The following EEA1 variants were observed in gnomAD, a reference collection of about 807,000 sequenced individuals.
EEA1 encodes early endosome antigen 1, also known as early endosome antigen 1, 162kD.
Under a neutral mutation model 209.2 loss-of-function variants are expected in EEA1, and 111 were observed. The observed-to-expected ratio is 0.53, with a 90% CI of 0.45 to 0.62. The LOEUF is 0.62. EEA1 is among the 20% of genes least tolerant of loss of function. The probability of loss-of-function intolerance (pLI) is 0.00; values close to 1 mark genes in which losing one functional copy is unlikely to be tolerated. For synonymous variants in EEA1, 536 were observed against 540.6 expected (o/e 0.99, Z 0.12); for missense variants, 1,343 against 1,530.8 (o/e 0.88, Z 2.05).
At chr12:92,894,171 T>C (rs1879772021) in intron 1 of EEA1, among the ~76,000 whole-genome samples, 1 of 152,200 alleles carries the variant, frequency 6.6e-6, no homozygotes, top group African/African-American at 2.4e-5. Flanking sequence ...CCCATACCCA[T>C]ATAAGATGGC....
At position 92,819,499 on chromosome 12, in the gene EEA1, G is replaced by C. The variant is rs912702688; in HGVS notation, c.1537C>G (p.Gln513Glu). 3.1e-6 allele frequency: 5 copies of C among 1,595,950 alleles called. No individual in the cohort carries two copies. The highest frequency in any genetic ancestry group is 4.3e-6 in the Non-Finnish European group (5 of 1,172,868). The change falls in exon 14 of 29, where the codon CAA becomes GAA. Residue 513 changes from glutamine to glutamate, a missense_variant. By Grantham distance (29) the Gln-to-Glu change is conservative. Transcript: ENST00000322349. ...KLREAQNDLE[Q>E]VLRQIGDKDQ... Reference sequence around the variant, plus strand: ...TTATCGCCAATTTGACGTAGAACTTGTTCCAAATCATTCTGTAAAGAATTG... The same window carrying C: ...TTATCGCCAATTTGACGTAGAACTTCTTCCAAATCATTCTGTAAAGAATTG...
In EEA1 at chr12:92,914,538, C is replaced by T. The variant is rs369764030; in HGVS notation, c.24+14505G>A. Among the ~76,000 whole-genome samples the T allele has an allele frequency of 2.0e-5, 3 of 152,046 alleles. No individual in the cohort carries two copies. In the South Asian group the frequency reaches 6.2e-4, roughly 32 times the overall value. On this transcript the variant is annotated intron_variant, in intron 1 of 28. Transcript: ENST00000322349. ...AATGTTGGTAATCTGACAGAAATTG[C>T]ATTGAGGCTGGGTACACTGGCTCAC...
rs751045550 is a variant in EEA1, at chr12:92,811,429, T to C, written c.2049A>G (p.Leu683=). Residue 683 remains leucine, a synonymous_variant, in exon 17 of 29, where the codon TTA becomes TTG. Coordinates refer to ENST00000322349, the MANE Select transcript of EEA1 (RefSeq NM_003566.4). ...GATCCAACTGAGTAGTAATCTTATT[T>C]AACTCCTTTAGAAAAGTACAATTGA... ...QNALQDKQQE[L]NKITTQLDQV... 9.0e-6 allele frequency: 14 copies of C among 1,556,646 alleles called. No homozygotes were observed. The Admixed American group carries it at 1.4e-4, about 15-fold the overall frequency.
At chr12:92,858,187 A>G in intron 3 of EEA1, 1 of 681,280 alleles carries the variant, frequency 1.5e-6, no homozygotes, top group South Asian at 1.5e-5. Context: ...ATCTGTGACC[A>G]GATCAGTGAG....
At chr12:92,913,685 G>A (rs1011514011) in intron 1 of EEA1, among the ~76,000 whole-genome samples, 2 of 152,126 alleles carry the variant, frequency 1.3e-5, no homozygotes, top group African/African-American at 4.8e-5. Context: ...TTTTGAGGCA[G>A]AGTCTTGCTC....
intron 13 of EEA1, among the ~76,000 whole-genome samples, chr12:92,820,253 C>A (rs1875981367): frequency 6.6e-6 from 1 of 152,098 alleles, no homozygotes; most frequent in African/African-American, 2.4e-5. Flanking sequence ...CACTTCAATA[C>A]CCCAAAAGAA....
Position 92,777,951 on chromosome 12 carries a change from G to T in EEA1, c.3883C>A (p.Leu1295Ile). The change falls in exon 26 of 29, where the codon CTA (leucine) becomes ATA (isoleucine). Residue 1295 changes from leucine (L) to isoleucine (I), a missense_variant. Leu to Ile is a conservative substitution (Grantham distance 5, BLOSUM62 2). Transcript: ENST00000322349. ...CTAGATATCAATCACCTTTCCAGTA[G>T]TGCTCTCCTTTCATCTTGATTATTC... is the stretch of plus-strand genomic sequence containing the variant. ...VQNNQDERRA[L>I]LERCLKGEGE... 1.9e-6 allele frequency: 3 copies of T among 1,611,910 alleles called. No homozygotes were observed. The highest frequency in any genetic ancestry group is 2.5e-6 in the Non-Finnish European group (3 of 1,178,484).
chr12:92,863,839 A>G (rs1172363331), intron 3 of EEA1, among the ~76,000 whole-genome samples: 1 of 152,252 alleles, frequency 6.6e-6, no homozygotes, highest in African/African-American at 2.4e-5. Flanking sequence ...GAACAAGGGT[A>G]GACCGTGGAT....
At chr12:92,882,411 T>C (rs1879187979) in intron 2 of EEA1, among the ~76,000 whole-genome samples, 1 of 151,944 alleles carries the variant, frequency 6.6e-6, no homozygotes, top group African/African-American at 2.4e-5. Context: ...CTGGCATCTT[T>C]TTTTTTTTTT....
At chr12:92,822,868 C>T (rs1444583839) in intron 13 of EEA1, among the ~76,000 whole-genome samples, 1 of 152,068 alleles carries the variant, frequency 6.6e-6, no homozygotes, top group Admixed American at 6.6e-5. Flanking sequence ...ACTGAACACA[C>T]CACATTCCCC....
In EEA1 at chr12:92,852,316, TA is replaced by T; in HGVS notation, c.521-21del. 2 of 1,503,882 alleles carry T rather than the reference TA, an allele frequency of 1.3e-6. No individual in the cohort carries two copies. Among genetic ancestry groups the T allele is most frequent in the African/African-American group, 2.9e-5 (2 of 69,628 alleles). 93.2% of individuals were successfully genotyped at this position (1,503,882 alleles called of 1,614,324 possible). A position where few individuals can be genotyped will look rare whatever the true frequency, so the allele number is the denominator to read the frequency against. On this transcript the variant is annotated intron_variant, in intron 7 of 28. Transcript: ENST00000322349. ...TTATATCTAATTAAAGATAGTTATA[TA>T]AATATTAGTTTAAGGGGAGGACAGT...
At chr12:92,898,506 A>C (rs1879991754) in intron 1 of EEA1, among the ~76,000 whole-genome samples, 1 of 152,002 alleles carries the variant, frequency 6.6e-6, no homozygotes. Context: ...TCTACTAAAA[A>C]TACAAAAATT....
intron 9 of EEA1, 77 bp from the exon 10 acceptor site, chr12:92,842,658 G>A (rs922896096): frequency 1.1e-5 from 10 of 911,346 alleles, no homozygotes; most frequent in East Asian, 5.8e-5. Context: ...GTATATAAAG[G>A]TTTTAAGAAA....
intron 11 of EEA1, 61 bp downstream of exon 11, chr12:92,832,451 T>C (rs1876695827): frequency 1.7e-5 from 24 of 1,447,488 alleles, no homozygotes; most frequent in Non-Finnish European, 2.2e-5. Flanking sequence ...CAAATAACCA[T>C]CAAGTACACG....
intron 11 of EEA1, among the ~76,000 whole-genome samples, chr12:92,828,696 C>A (rs886268038): frequency 7.3e-5 from 11 of 151,316 alleles, no homozygotes; most frequent in African/African-American, 2.7e-4. Context: ...GAGTTAAGAA[C>A]CATCACGAGT....
chr12:92,859,308 C>A (rs1191891913), intron 3 of EEA1: 2 of 1,419,132 alleles, frequency 1.4e-6, no homozygotes, highest in Non-Finnish European at 2.0e-6. Context: ...TACTTGTTGG[C>A]AAAGGCAACA....
chr12:92,860,451 T>G (rs150373881), intron 3 of EEA1, among the ~76,000 whole-genome samples: 13 of 152,312 alleles, frequency 8.5e-5, no homozygotes, highest in African/African-American at 3.1e-4. Flanking sequence ...CCCTTCATAC[T>G]TGAACATTTT....
intron 14 of EEA1, 137 bp downstream of exon 14, chr12:92,819,171 G>T: frequency 2.9e-6 from 2 of 685,576 alleles, no homozygotes; most frequent in Non-Finnish European, 2.3e-6. Flanking sequence ...TACATGAGAT[G>T]CTATTTGGCA....
At position 92,816,182 on chromosome 12, in the gene EEA1, C is replaced by T. The variant is rs780051380; in HGVS notation, c.1929+18G>A. 2 of 1,599,420 alleles carry T rather than the reference C, an allele frequency of 1.3e-6. No homozygotes were observed. Among genetic ancestry groups the T allele is most frequent in the East Asian group, 4.5e-5 (2 of 44,746 alleles). On this transcript the variant is annotated intron_variant, in intron 15 of 28. Transcript: ENST00000322349. The stretch of plus-strand genomic sequence containing the variant: ...GTCTAAAACTGGTGCTTTACACAAA[C>T]ATTAAATTTAATATTACCTGTATGT...
Sources: allele counts gnomAD v4.1 joint callset (sites outside exome capture counted in the v4.1 genomes callset), GRCh38; gene constraint gnomAD v4.1.1; transcripts MANE v1.5; gene names NCBI Gene and HGNC (gene_info 2026-07-23, HGNC 2026-07-21).